Variants in IRAG2 observed in about 807,000 individuals in gnomAD.
The protein encoded by IRAG2 is lymphoid restricted membrane protein.
Under a neutral mutation model 69.9 loss-of-function variants are expected in IRAG2, and 45 were observed. The ratio of observed to expected loss-of-function variants is 0.64; its 90% CI spans 0.51 to 0.83. The LOEUF (loss-of-function observed/expected upper bound fraction) is 0.83, where lower values mean the gene tolerates loss of function less well. IRAG2 is among the 40% of genes least tolerant of loss of function. IRAG2 has a pLI of 0.00. For synonymous variants in IRAG2, 193 were observed against 202.4 expected (o/e 0.95, Z 0.40); for missense variants, 520 against 587.0 (o/e 0.89, Z 1.18).
At chr12:25,053,523 A>C (rs1944999942) in intron 1 of IRAG2, among the ~76,000 whole-genome samples, 2 of 151,894 alleles carry the variant, frequency 1.3e-5, no homozygotes, top group African/African-American at 2.4e-5. Flanking sequence ...AATATTTGTC[A>C]TTTTTCTGTA....
At chr12:25,079,106 C>A in intron 6 of IRAG2, 138 bp from the exon 7 acceptor site, 1 of 773,630 alleles carries the variant, frequency 1.3e-6, no homozygotes, top group Non-Finnish European at 2.2e-6. Flanking sequence ...TATACCATCC[C>A]ATTCCCATAT....
chr12:25,090,630 G>T (rs922070143), intron 14 of IRAG2, among the ~76,000 whole-genome samples: 2 of 152,168 alleles, frequency 1.3e-5, no homozygotes, highest in Admixed American at 6.6e-5. Context: ...TTACTTGTAT[G>T]ACCCAAACCA....
At chr12:25,071,849 A>G (rs567438412) in intron 6 of IRAG2, among the ~76,000 whole-genome samples, 1 of 150,926 alleles carries the variant, frequency 6.6e-6, no homozygotes, top group Non-Finnish European at 1.5e-5. Context: ...AAGGACCTCC[A>G]TATTGACTCT....
intron 16 of IRAG2, among the ~76,000 whole-genome samples, chr12:25,047,108 GA>G (rs1944801181): frequency 6.6e-6 from 1 of 152,132 alleles, no homozygotes; most frequent in South Asian, 2.1e-4. Flanking sequence ...ATGGTGCAGG[GA>G]TAACTGGACA....
intron 6 of IRAG2, among the ~76,000 whole-genome samples, chr12:25,019,386 G>C (rs192395998): frequency 8.5e-5 from 13 of 152,268 alleles, no homozygotes; most frequent in Non-Finnish European, 1.9e-4. Context: ...ATTGTATCGA[G>C]TGGTGGAAGT....
chr12:25,044,867 AAATC>A lies in IRAG2; in HGVS notation c.2144+6734_2144+6737del, dbSNP rs533903076. ...ATAATGGATAGAACATTTAGACAGA[AAATC>A]AATAAGGAAACAGCAGGCTTGAATG... is the stretch of plus-strand genomic sequence containing the variant. On this transcript the variant is annotated intron_variant, in intron 16 of 38. Coordinates refer to the IRAG2 transcript ENST00000636465. Among the ~76,000 whole-genome samples, 152 of 152,270 alleles carry A rather than the reference AAATC, an allele frequency of 1.0e-3. 1 individual carries two copies. The highest frequency in any genetic ancestry group is 3.6e-3 in the African/African-American group (148 of 41,574).
chr12:25,106,395 A>C (rs1949121424), intron 20 of IRAG2, among the ~76,000 whole-genome samples: 2 of 146,262 alleles, frequency 1.4e-5, no homozygotes, highest in Non-Finnish European at 3.0e-5. Flanking sequence ...ATGTGTGTAT[A>C]TATTATAAAC....
chr12:25,091,974 TAC>T (rs1948091752), intron 14 of IRAG2, among the ~76,000 whole-genome samples: 1 of 152,228 alleles, frequency 6.6e-6, no homozygotes, highest in African/African-American at 2.4e-5. Context: ...TTTATAAAAG[TAC>T]AGTTTCAGGG....
At chr12:25,004,524 G>A in exon 1 of IRAG2, 1 of 1,232,102 alleles carries the variant, frequency 8.1e-7, no homozygotes, top group Non-Finnish European at 1.0e-6. Flanking sequence ...AAGAGGTACT[G>A]AGGAAAATGA....
At chr12:25,029,039 C>T (rs192728909) in intron 9 of IRAG2, among the ~76,000 whole-genome samples, 3 of 152,292 alleles carry the variant, frequency 2.0e-5, no homozygotes, top group African/African-American at 4.8e-5. Flanking sequence ...TGCACATGTA[C>T]CCATCTCAAA....
At chr12:25,047,038 A>C (rs1476945016) in intron 16 of IRAG2, among the ~76,000 whole-genome samples, 1 of 152,210 alleles carries the variant, frequency 6.6e-6, no homozygotes, top group Non-Finnish European at 1.5e-5. Flanking sequence ...TAGATGGTCA[A>C]TTGATCTTCA....
At chr12:25,080,642 G>A (rs755476185) in intron 9 of IRAG2, among the ~76,000 whole-genome samples, 7 of 152,106 alleles carry the variant, frequency 4.6e-5, no homozygotes, top group South Asian at 2.1e-4. Context: ...GTGAGCCACC[G>A]CGCCTGGCCA....
intron 2 of IRAG2, among the ~76,000 whole-genome samples, chr12:25,005,616 A>G (rs1255230011): frequency 6.6e-6 from 1 of 152,104 alleles, no homozygotes; most frequent in South Asian, 2.1e-4. Context: ...CTGACTTACC[A>G]TCTTTATTTA....
intron 5 of IRAG2, chr12:25,017,115 T>A (rs1305234687): frequency 8.1e-7 from 1 of 1,231,536 alleles, no homozygotes; most frequent in Non-Finnish European, 1.0e-6. Flanking sequence ...GTTATTCTCA[T>A]CTATTCTTTT....
chr12:25,002,644 C>CTTCTT (rs1555124312), upstream of IRAG2, among the ~76,000 whole-genome samples: 2 of 137,736 alleles, frequency 1.5e-5, no homozygotes, highest in African/African-American at 2.8e-5. Flanking sequence ...TCTTCTTCTT[C>CTTCTT]TTTTCTTTTT....
At chr12:25,057,870 T>A (rs1047669881) in intron 1 of IRAG2, among the ~76,000 whole-genome samples, 1 of 152,204 alleles carries the variant, frequency 6.6e-6, no homozygotes, top group Non-Finnish European at 1.5e-5. Context: ...GTATGTACTT[T>A]TTTGTGTGTT....
intron 17 of IRAG2, chr12:25,103,545 AAAAAG>A (rs1483909640): frequency 9.8e-6 from 3 of 306,826 alleles, no homozygotes; most frequent in African/African-American, 6.5e-5. Flanking sequence ...TATTTAACAT[AAAAAG>A]AAATGTTCAA....
intron 9 of IRAG2, chr12:25,030,183 G>A: frequency 1.3e-6 from 1 of 751,498 alleles, no homozygotes; most frequent in Non-Finnish European, 1.8e-6. Flanking sequence ...CATGTTAAAG[G>A]TGCTTCAGAA....
chr12:25,075,214 A>T (rs1462736146), intron 6 of IRAG2, among the ~76,000 whole-genome samples: 1 of 152,204 alleles, frequency 6.6e-6, no homozygotes, highest in Non-Finnish European at 1.5e-5. Flanking sequence ...ACATTTAAAC[A>T]GACGCTGAGT....
Sources: gnomAD v4.1 joint callset for allele counts (sites outside exome capture counted in the v4.1 genomes callset) on GRCh38, gnomAD v4.1.1 for gene constraint, MANE v1.5 for transcripts, NCBI Gene and HGNC (gene_info 2026-07-23, HGNC 2026-07-21) for gene names.